Variants in FMN2 observed in about 807,000 individuals in gnomAD.
FMN2 encodes the protein formin 2, also known as formin-2.
Under a neutral mutation model 142.3 loss-of-function variants are expected in FMN2, and 51 were observed. That is an observed-to-expected ratio of 0.36 (90% CI 0.29 to 0.45). The LOEUF is 0.45. Among genes scored for constraint, FMN2 ranks in the 20% least tolerant of loss-of-function variants. FMN2 has a pLI of 1.00. For synonymous variants in FMN2, 882 were observed against 869.8 expected (o/e 1.01, Z -0.25); for missense variants, 1,936 against 2,122.8 (o/e 0.91, Z 1.73).
In FMN2 at chr1:240,123,113, C is replaced by T. The variant is rs899277658; in HGVS notation, c.1616-66C>T. Reference sequence around the variant, plus strand: ...CTGGCAGTGTTTACCCAGCCGCTGTCCCCTGGCGAGTTCAGAGCCAGGTGA... The same window carrying T: ...CTGGCAGTGTTTACCCAGCCGCTGTTCCCTGGCGAGTTCAGAGCCAGGTGA... On this transcript the variant is annotated intron_variant, in intron 1 of 17. Transcript: ENST00000319653. 55 of 1,578,310 alleles carry T rather than the reference C, an allele frequency of 3.5e-5. No homozygotes were observed. In the Admixed American group the frequency reaches 8.7e-4, roughly 25 times the overall value.
intron 15 of FMN2, among the ~76,000 whole-genome samples, chr1:240,399,079 C>T (rs1029230550): frequency 5.3e-5 from 8 of 152,090 alleles, no homozygotes; most frequent in Admixed American, 2.0e-4. Context: ...AAACTGCTGG[C>T]ACCATGGCTC....
At chr1:240,212,953 G>T (rs544088994) in intron 6 of FMN2, among the ~76,000 whole-genome samples, 1 of 152,074 alleles carries the variant, frequency 6.6e-6, no homozygotes, top group Non-Finnish European at 1.5e-5. Context: ...TTTTTTGTTT[G>T]TTTGTTTTTG....
At chr1:240,380,957 T>G (rs1673206289) in intron 14 of FMN2, among the ~76,000 whole-genome samples, 2 of 152,158 alleles carry the variant, frequency 1.3e-5, no homozygotes, top group Admixed American at 6.5e-5. Flanking sequence ...TATGAGCATC[T>G]CTATGCCCAC....
At chr1:240,137,417 G>A (rs1480246222) in intron 2 of FMN2, among the ~76,000 whole-genome samples, 1 of 152,136 alleles carries the variant, frequency 6.6e-6, no homozygotes, top group Non-Finnish European at 1.5e-5. Context: ...AATAAGCACG[G>A]CTGTGTTTCC....
intron 2 of FMN2, among the ~76,000 whole-genome samples, chr1:240,134,912 CG>C (rs1662878573): frequency 6.6e-6 from 1 of 151,988 alleles, no homozygotes; most frequent in African/African-American, 2.4e-5. Flanking sequence ...GGGAAAGCTA[CG>C]GGGAGGTAAC....
At chr1:240,128,276 G>A (rs1319781537) in intron 2 of FMN2, among the ~76,000 whole-genome samples, 7 of 151,582 alleles carry the variant, frequency 4.6e-5, no homozygotes, top group Admixed American at 4.6e-4. Context: ...CCCTTTTTTT[G>A]GGTCATATGC....
chr1:240,096,110 T>G (rs1661187343), intron 1 of FMN2, among the ~76,000 whole-genome samples: 1 of 152,172 alleles, frequency 6.6e-6, no homozygotes, highest in Non-Finnish European at 1.5e-5. Context: ...GTGAAATAAC[T>G]TTCTCAAGGT....
chr1:240,136,388 A>C (rs1347324520), intron 2 of FMN2, among the ~76,000 whole-genome samples: 1 of 152,246 alleles, frequency 6.6e-6, no homozygotes, highest in Non-Finnish European at 1.5e-5. Flanking sequence ...AATGCTTCCC[A>C]ACAGTAAAGT....
chr1:240,092,987 C>T lies in FMN2; in HGVS notation c.878C>T (p.Pro293Leu). 7.1e-7 allele frequency: 1 copy of T among 1,402,520 alleles called. No homozygotes were observed. Among genetic ancestry groups the T allele is most frequent in the Non-Finnish European group, 9.2e-7 (1 of 1,087,614 alleles). The allele number at this position is 1,402,520 out of a possible 1,614,324, so 86.9% of individuals were successfully genotyped here. ...LAAEPREPQQ[P>L]PSPGGLPVSE... ...GCCGAGCCCCGGGAGCCCCAGCAAC[C>T]GCCGTCCCCCGGCGGCCTCCCGGTC... The change falls in exon 1 of 18, where the codon CCG (proline) becomes CTG (leucine). Residue 293 changes from proline to leucine, a missense_variant. Coordinates refer to ENST00000319653, the MANE Select transcript of FMN2 (RefSeq NM_020066.5).
In FMN2 at chr1:240,207,602, C is replaced by A. The variant is rs769741561; in HGVS notation, c.2790C>A (p.Gly930=). 14 of 1,584,142 alleles carry A rather than the reference C, an allele frequency of 8.8e-6. No homozygotes were observed. The highest frequency in any genetic ancestry group is 2.3e-5 in the East Asian group (1 of 43,094). Residue 930 remains glycine (G), a synonymous_variant, in exon 5 of 18, where the codon GGC becomes GGA. Transcript: ENST00000319653. ...IPPPPPLPGA[G]ILPLPPLPGA... ...CTCCGCCGCCTCTACCCGGAGCAGG[C>A]ATACTCCCTCTGCCCCCTCTACCCG...
chr1:240,258,038 TG>T lies in FMN2; in HGVS notation c.4153+7del. 6.3e-7 allele frequency: 1 copy of T among 1,598,786 alleles called. No homozygotes were observed. The highest frequency in any genetic ancestry group is 8.5e-7 in the Non-Finnish European group (1 of 1,172,688). On this transcript the variant is annotated splice_region_variant and intron_variant, in intron 7 of 17. Transcript: ENST00000319653. ...TATGAAAGACATACAACATGGTAAGTGTCAAAATGAAAATTTAGCTTCTGAA... is the reference window on the plus strand; with the variant it reads ...TATGAAAGACATACAACATGGTAAGTTCAAAATGAAAATTTAGCTTCTGAA...
intron 15 of FMN2, chr1:240,400,694 A>G (rs1572268827): frequency 1.3e-5 from 2 of 152,196 alleles, no homozygotes; most frequent in South Asian, 2.1e-4. Context: ...GTGGCTCACC[A>G]TATGTACTCT....
At chr1:240,265,917 G>GTTTTTTTTT (rs34557711) in intron 7 of FMN2, among the ~76,000 whole-genome samples, 1 of 136,010 alleles carries the variant, frequency 7.4e-6, no homozygotes, top group African/African-American at 2.7e-5. Context: ...AAAGGGGTTT[G>GTTTTTTTTT]TTTTTTTTTT....
intron 14 of FMN2, among the ~76,000 whole-genome samples, chr1:240,371,932 A>G (rs1324228496): frequency 1.3e-5 from 2 of 152,156 alleles, no homozygotes; most frequent in Non-Finnish European, 2.9e-5. Context: ...CTGCTAAACC[A>G]TGTTAACTTA....
chr1:240,121,996 G>A (rs1167225812), intron 1 of FMN2, among the ~76,000 whole-genome samples: 2 of 151,748 alleles, frequency 1.3e-5, no homozygotes, highest in Non-Finnish European at 2.9e-5. Flanking sequence ...GGCATGATGC[G>A]TTACGAACTG....
intron 16 of FMN2, among the ~76,000 whole-genome samples, chr1:240,444,880 T>C (rs1675752911): frequency 6.6e-6 from 1 of 152,214 alleles, no homozygotes; most frequent in Non-Finnish European, 1.5e-5. Flanking sequence ...AGAATGGAGA[T>C]AAGGAAAGTT....
At chr1:240,264,780 G>A (rs11803084) in intron 7 of FMN2, among the ~76,000 whole-genome samples, 109,506 of 152,078 alleles carry the variant, frequency 0.72, 40,706 homozygotes, top group African/African-American at 0.9. Flanking sequence ...CAGGTTACCT[G>A]TTCTAAGATC....
At chr1:240,472,072 G>C (rs1284153604) in intron 16 of FMN2, 1 of 245,836 alleles carries the variant, frequency 4.1e-6, no homozygotes, top group Non-Finnish European at 7.6e-6. Context: ...TTGTATATAA[G>C]ATTCCTTTTA....
chr1:240,093,809 T>C, intron 1 of FMN2, 85 bp downstream of exon 1: 3 of 971,216 alleles, frequency 3.1e-6, no homozygotes, highest in South Asian at 8.0e-5. Context: ...CCCTGGGCTC[T>C]GGAAGGCGGT....
Sources: gnomAD v4.1 joint callset for allele counts (sites outside exome capture counted in the v4.1 genomes callset) on GRCh38, gnomAD v4.1.1 for gene constraint, MANE v1.5 for transcripts, NCBI Gene and HGNC (gene_info 2026-07-23, HGNC 2026-07-21) for gene names.